Variants in ENOX1 observed in about 807,000 individuals in gnomAD.
ENOX1 encodes the protein candidate growth-related and time keeping constitutive hydroquinone (NADH) oxidase.
In ENOX1, 42 loss-of-function variants were observed where a neutral mutation model predicts 82.5. The observed-to-expected ratio is 0.51, with a 90% CI of 0.40 to 0.66. ENOX1 has a LOEUF of 0.66. ENOX1 is among the 30% of genes least tolerant of loss of function. The probability of loss-of-function intolerance (pLI) is 0.00; values close to 1 mark genes in which losing one functional copy is unlikely to be tolerated. For synonymous variants in ENOX1, 271 were observed against 282.2 expected (o/e 0.96, Z 0.40); for missense variants, 608 against 811.6 (o/e 0.75, Z 3.05).
intron 2 of ENOX1, among the ~76,000 whole-genome samples, chr13:43,629,499 T>A (rs946699671): frequency 2.6e-5 from 4 of 152,204 alleles, no homozygotes; most frequent in Admixed American, 6.5e-5. Flanking sequence ...CCTTTCAGAA[T>A]CTTGTGTTTG....
At chr13:43,486,003 G>A (rs890975230) in intron 2 of ENOX1, among the ~76,000 whole-genome samples, 17 of 152,202 alleles carry the variant, frequency 1.1e-4, no homozygotes, top group African/African-American at 4.1e-4. Flanking sequence ...GAGGTCAGGA[G>A]ATGGAGGCCA....
At chr13:43,705,671 A>C (rs1475736906) in intron 1 of ENOX1, among the ~76,000 whole-genome samples, 1 of 152,072 alleles carries the variant, frequency 6.6e-6, no homozygotes, top group Non-Finnish European at 1.5e-5. Flanking sequence ...TATGAAACAA[A>C]GACTTAGTAG....
At chr13:43,433,715 A>G (rs1261965057) in intron 3 of ENOX1, among the ~76,000 whole-genome samples, 1 of 152,162 alleles carries the variant, frequency 6.6e-6, no homozygotes. Flanking sequence ...TTTTATTCCA[A>G]AAACTATGGT....
chr13:43,756,120 T>C (rs752955770), intron 1 of ENOX1, among the ~76,000 whole-genome samples: 47 of 152,082 alleles, frequency 3.1e-4, no homozygotes, highest in Non-Finnish European at 5.6e-4. Flanking sequence ...GAACAAAAAC[T>C]TAAGTGCCAG....
At chr13:43,552,587 T>C (rs1156823993) in intron 2 of ENOX1, among the ~76,000 whole-genome samples, 1 of 152,144 alleles carries the variant, frequency 6.6e-6, no homozygotes, top group East Asian at 1.9e-4. Context: ...TCTGCAACTG[T>C]TCTTCCCCCT....
At chr13:43,619,929 C>CTGCT (rs1376637719) in intron 2 of ENOX1, among the ~76,000 whole-genome samples, 5 of 152,098 alleles carry the variant, frequency 3.3e-5, no homozygotes, top group Non-Finnish European at 5.9e-5. Flanking sequence ...TTGAATCTCA[C>CTGCT]TGCTTGCTAT....
chr13:43,360,179 C>T, intron 6 of ENOX1, 122 bp from the exon 7 acceptor site: 1 of 773,952 alleles, frequency 1.3e-6, no homozygotes, highest in Non-Finnish European at 1.9e-6. Flanking sequence ...AATTTCTATG[C>T]CAACTTAACA....
At chr13:43,396,076 A>T (rs183827119) in intron 5 of ENOX1, among the ~76,000 whole-genome samples, 1 of 152,338 alleles carries the variant, frequency 6.6e-6, no homozygotes, top group East Asian at 1.9e-4. Context: ...TTTTCCAAAG[A>T]TTGCTTGAAC....
At chr13:43,263,817 T>C (rs2044217763) in intron 14 of ENOX1, among the ~76,000 whole-genome samples, 1 of 152,256 alleles carries the variant, frequency 6.6e-6, no homozygotes, top group South Asian at 2.1e-4. Flanking sequence ...ACAGAGGGAC[T>C]GGCTGTGTGT....
At chr13:43,316,001 G>A (rs1341549993) in intron 11 of ENOX1, among the ~76,000 whole-genome samples, 1 of 152,324 alleles carries the variant, frequency 6.6e-6, no homozygotes, top group East Asian at 1.9e-4. Flanking sequence ...CTGGTCATGC[G>A]TCTTAACCTT....
At chr13:43,478,989 G>A (rs1244648788) in intron 3 of ENOX1, among the ~76,000 whole-genome samples, 2 of 69,602 alleles carry the variant, frequency 2.9e-5, no homozygotes. Context: ...CTCCCCAAAG[G>A]TCAATTGTTT....
At chr13:43,563,523 T>C (rs2079779200) in intron 2 of ENOX1, among the ~76,000 whole-genome samples, 1 of 151,824 alleles carries the variant, frequency 6.6e-6, no homozygotes, top group African/African-American at 2.4e-5. Context: ...GAATAAATAA[T>C]AGAGACCAGA....
chr13:43,631,378 T>G (rs769658375), intron 2 of ENOX1, among the ~76,000 whole-genome samples: 15 of 152,176 alleles, frequency 9.9e-5, no homozygotes, highest in Non-Finnish European at 2.1e-4. Context: ...GGCAAGACAC[T>G]GTTGAGGTTC....
chr13:43,637,149 G>T lies in ENOX1; in HGVS notation c.-219+30330C>A, dbSNP rs140817108. ...AAAACTGTACCTTTCAAATGGTTCT[G>T]ACTGGGAGTGCTGCTATGAAAAGCC... On this transcript the variant is annotated intron_variant, in intron 2 of 16. Transcript: ENST00000690772. Among the ~76,000 whole-genome samples the T allele has an allele frequency of 1.8e-4, 27 of 152,292 alleles. No individual in the cohort carries two copies. The East Asian group carries it at 5.2e-3, about 29-fold the overall frequency.
chr13:43,226,760 T>A (rs1001975530), intron 15 of ENOX1, among the ~76,000 whole-genome samples: 2 of 152,150 alleles, frequency 1.3e-5, no homozygotes, highest in Non-Finnish European at 2.9e-5. Context: ...AAGCTTTTTT[T>A]CTCCTCCTCC....
chr13:43,633,599 A>G (rs1013687682), intron 2 of ENOX1, among the ~76,000 whole-genome samples: 7 of 152,090 alleles, frequency 4.6e-5, no homozygotes, highest in Non-Finnish European at 1.0e-4. Context: ...TAATATGGGG[A>G]AAATCTTTTA....
chr13:43,783,911 G>T (rs993143139), intron 1 of ENOX1, among the ~76,000 whole-genome samples: 1 of 152,156 alleles, frequency 6.6e-6, no homozygotes, highest in Non-Finnish European at 1.5e-5. Context: ...TGTCTCATTT[G>T]GAGGGTTGCA....
intron 3 of ENOX1, among the ~76,000 whole-genome samples, chr13:43,470,053 G>C (rs1196531163): frequency 6.6e-6 from 1 of 151,044 alleles, no homozygotes; most frequent in Non-Finnish European, 1.5e-5. Flanking sequence ...AGTGCTGGAA[G>C]AATTAAATAT....
At chr13:43,353,721 G>A (rs1400753122) in intron 8 of ENOX1, among the ~76,000 whole-genome samples, 1 of 152,202 alleles carries the variant, frequency 6.6e-6, no homozygotes, top group Non-Finnish European at 1.5e-5. Flanking sequence ...TGCCTAAGAT[G>A]TATCCCCAGC....
Sources: allele counts gnomAD v4.1 joint callset (sites outside exome capture counted in the v4.1 genomes callset), GRCh38; gene constraint gnomAD v4.1.1; transcripts MANE v1.5; gene names NCBI Gene and HGNC (gene_info 2026-07-23, HGNC 2026-07-21).